The following FRMD3 variants were observed in gnomAD, a reference collection of about 807,000 sequenced individuals.
The protein encoded by FRMD3 is FERM domain-containing protein 3.
Under a neutral mutation model 70.2 loss-of-function variants are expected in FRMD3, and 33 were observed. The ratio of observed to expected loss-of-function variants is 0.47; its 90% CI spans 0.36 to 0.63. The LOEUF is 0.63. FRMD3 is among the 20% of genes least tolerant of loss of function. The pLI, the probability that FRMD3 is intolerant of heterozygous loss-of-function variation, is 0.00. For missense variants in FRMD3, 632 were observed against 711.4 expected, an observed-to-expected ratio of 0.89 and a Z score of 1.27; for synonymous variants, 279 against 255.9, an observed-to-expected ratio of 1.09 and a Z score of -0.86.
Position 83,326,558 on chromosome 9 carries a change from C to T in FRMD3, c.596+8958G>A, listed in dbSNP as rs190143498. ...GCAGGGACCCTGATAGGACTGGAGA[C>T]TCCTGAGGCCCAGACTCACCAAGGA... On this transcript the variant is annotated intron_variant, in intron 6 of 13. Transcript: ENST00000304195. Among the ~76,000 whole-genome samples, 19 of 152,254 alleles carry T rather than the reference C, an allele frequency of 1.2e-4. 1 individual carries two copies. The East Asian group carries it at 1.9e-3, about 15-fold the overall frequency.
chr9:83,568,945 T>TAGAC, the FRMD3 span, among the ~76,000 whole-genome samples: 1 of 128,186 alleles, frequency 7.8e-6, no homozygotes, highest in African/African-American at 2.8e-5. Flanking sequence ...GATAGATAGA[T>TAGAC]AGATAGATAG....
chr9:83,583,412 G>T, the FRMD3 span, among the ~76,000 whole-genome samples: 1 of 151,992 alleles, frequency 6.6e-6, no homozygotes, highest in Non-Finnish European at 1.5e-5. Context: ...CCTTCCCCCT[G>T]CCAGCCCCAT....
At chr9:83,479,708 G>GAAAGAAAGAA in intron 1 of FRMD3, among the ~76,000 whole-genome samples, 1 of 77,544 alleles carries the variant, frequency 1.3e-5, no homozygotes, top group Non-Finnish European at 2.4e-5. Context: ...AAGAAAGAAA[G>GAAAGAAAGAA]AAAGAAAGAA....
intron 12 of FRMD3, among the ~76,000 whole-genome samples, chr9:83,293,634 C>CT (rs2118991292): frequency 6.6e-6 from 1 of 152,336 alleles, no homozygotes; most frequent in East Asian, 1.9e-4. Flanking sequence ...CTAAGACAGG[C>CT]TGGGCTCACC....
At chr9:83,577,160 A>G in the FRMD3 span, among the ~76,000 whole-genome samples, 1 of 152,092 alleles carries the variant, frequency 6.6e-6, no homozygotes, top group African/African-American at 2.4e-5. Context: ...AAATTGATCT[A>G]TAGATTGAGT....
At chr9:83,494,833 ATGTG>A (rs377201441) in intron 1 of FRMD3, among the ~76,000 whole-genome samples, 106 of 149,408 alleles carry the variant, frequency 7.1e-4, no homozygotes, top group African/African-American at 1.3e-3. Flanking sequence ...CTGTGCATTT[ATGTG>A]TGTGTGTGTG....
chr9:83,310,532 A>G lies in FRMD3; in HGVS notation c.790T>C (p.Leu264=). 1.2e-6 allele frequency: 2 copies of G among 1,601,840 alleles called. No individual in the cohort carries two copies. Among genetic ancestry groups the G allele is most frequent in the South Asian group, 1.1e-5 (1 of 88,028 alleles). ...TAAAATGTCTTCCCTTCAAACTTCA[A>G]TTTGCAGACATCTGGCCTAAGAAAA... The part of the protein sequence containing the change: ...HLIKWPDVCK[L]KFEGKTFYVI... The change falls in exon 9 of 14, where the codon TTG becomes CTG. Residue 264 remains leucine, a synonymous_variant. Transcript: ENST00000304195.
At chr9:83,518,820 G>T (rs1357680178) in intron 1 of FRMD3, among the ~76,000 whole-genome samples, 2 of 151,864 alleles carry the variant, frequency 1.3e-5, no homozygotes, top group Non-Finnish European at 2.9e-5. Flanking sequence ...CAGAACAGAG[G>T]CCTCAGAAAT....
At chr9:83,578,321 T>C in the FRMD3 span, among the ~76,000 whole-genome samples, 2 of 151,848 alleles carry the variant, frequency 1.3e-5, no homozygotes, top group African/African-American at 2.4e-5. Context: ...ACTTCGAAAT[T>C]CATTTTATGA....
intron 9 of FRMD3, among the ~76,000 whole-genome samples, chr9:83,309,933 C>T (rs1441133325): frequency 6.6e-6 from 1 of 152,152 alleles, no homozygotes; most frequent in Non-Finnish European, 1.5e-5. Context: ...AACATATTTG[C>T]CATCCTTGAG....
intron 3 of FRMD3, among the ~76,000 whole-genome samples, chr9:83,369,352 G>A (rs1824894526): frequency 6.6e-6 from 1 of 152,164 alleles, no homozygotes; most frequent in East Asian, 1.9e-4. Context: ...AAAATGGGTG[G>A]ATCACCTGAG....
intron 6 of FRMD3, among the ~76,000 whole-genome samples, chr9:83,320,464 T>C (rs747832288): frequency 6.6e-6 from 1 of 152,180 alleles, no homozygotes; most frequent in Non-Finnish European, 1.5e-5. Context: ...TATGGATTTA[T>C]GTATATTGAA....
rs530323836 is a variant in FRMD3 at position 83,404,386 on chromosome 9, T to C, written c.148-14678A>G. On this transcript the variant is annotated intron_variant, in intron 1 of 13. Transcript: ENST00000304195. ...CATCCTCTGCCTTTTTTTTAACTCT[T>C]TGAGGCAGACAGCAGCTTCCTGAAG... is the stretch of plus-strand genomic sequence containing the variant. 2.6e-5 allele frequency among the ~76,000 whole-genome samples: 4 copies of C among 152,302 alleles called. No individual in the cohort carries two copies. The East Asian group carries it at 7.7e-4, about 29-fold the overall frequency.
At chr9:83,389,323 T>G (rs937297240) in intron 2 of FRMD3, among the ~76,000 whole-genome samples, 3 of 152,138 alleles carry the variant, frequency 2.0e-5, no homozygotes, top group Non-Finnish European at 4.4e-5. Context: ...AGCCATTGTT[T>G]GAGGGACTTT....
At chr9:83,567,286 G>A in the FRMD3 span, among the ~76,000 whole-genome samples, 1 of 152,206 alleles carries the variant, frequency 6.6e-6, no homozygotes, top group African/African-American at 2.4e-5. Context: ...CAAGTCCCTA[G>A]GCTGCACCAA....
chr9:83,254,607 A>T (rs779742192), intron 13 of FRMD3, among the ~76,000 whole-genome samples: 1 of 152,052 alleles, frequency 6.6e-6, no homozygotes, highest in Non-Finnish European at 1.5e-5. Context: ...GCTGAATTTT[A>T]GAAAAAAATA....
intron 13 of FRMD3, among the ~76,000 whole-genome samples, chr9:83,288,938 A>C (rs2118963452): frequency 6.6e-6 from 1 of 152,324 alleles, no homozygotes; most frequent in Non-Finnish European, 1.5e-5. Flanking sequence ...ATAATCATTC[A>C]ACCCATCTGG....
intron 1 of FRMD3, among the ~76,000 whole-genome samples, chr9:83,496,647 A>T (rs201204010): frequency 8.4e-5 from 2 of 23,862 alleles, no homozygotes; most frequent in Non-Finnish European, 1.6e-4. Context: ...AAAGCAGATT[A>T]AAAAAAAAAT....
At chr9:83,309,681 A>G (rs1835277171) in intron 9 of FRMD3, 57 bp from the exon 10 acceptor site, 7 of 1,155,124 alleles carry the variant, frequency 6.1e-6, no homozygotes, top group Admixed American at 2.3e-5. Context: ...TACATTTTCC[A>G]TGGGTTTTTT....
Sources: allele counts gnomAD v4.1 joint callset (sites outside exome capture counted in the v4.1 genomes callset), GRCh38; gene constraint gnomAD v4.1.1; transcripts MANE v1.5; gene names NCBI Gene and HGNC (gene_info 2026-07-23, HGNC 2026-07-21).